Variants in KIF13B observed in about 807,000 individuals in gnomAD.
KIF13B encodes kinesin-like protein KIF13B.
KIF13B carries 127 observed loss-of-function variants against 222.0 expected under a neutral mutation model. The ratio of observed to expected loss-of-function variants is 0.57; its 90% CI spans 0.50 to 0.66. The LOEUF (loss-of-function observed/expected upper bound fraction) is 0.66. Ranked by LOEUF, KIF13B falls within the 30% of genes least tolerant of loss-of-function variation. The pLI, the probability that KIF13B is intolerant of heterozygous loss-of-function variation, is 0.00. For missense variants in KIF13B, 2,173 were observed against 2,379.0 expected, an observed-to-expected ratio of 0.91 and a Z score of 1.80; for synonymous variants, 976 against 919.0, an observed-to-expected ratio of 1.06 and a Z score of -1.12.
At chr8:29,108,465 C>A (rs28675146) in intron 34 of KIF13B, among the ~76,000 whole-genome samples, 1 of 152,294 alleles carries the variant, frequency 6.6e-6, no homozygotes, top group Admixed American at 6.5e-5. Context: ...AGAGATGTCG[C>A]GTTGGGTGAG....
rs547954907 is a variant in KIF13B, at chr8:29,195,040, G to A, written c.162+1147C>T. ...AGGTGGGTGCATCATTTGAGGACAGGAGTTAAAGACCAGCCTGGCCAACAT... is the reference window on the plus strand; with the variant it reads ...AGGTGGGTGCATCATTTGAGGACAGAAGTTAAAGACCAGCCTGGCCAACAT... On this transcript the variant is annotated intron_variant, in intron 3 of 39. Transcript: ENST00000524189. Among the ~76,000 whole-genome samples the A allele has an allele frequency of 3.4e-4, 52 of 152,222 alleles. No homozygotes were observed. The South Asian group carries it at 0.01, about 30-fold the overall frequency.
rs1811175932 is a variant in KIF13B at position 29,148,782 on chromosome 8, G to C, written c.1623-15C>G. 4 of 1,573,566 alleles carry C rather than the reference G, an allele frequency of 2.5e-6. No individual in the cohort carries two copies. The highest frequency in any genetic ancestry group is 3.4e-4 in the Middle Eastern group (2 of 5,926). On this transcript the variant is annotated splice_polypyrimidine_tract_variant and intron_variant, in intron 15 of 39. Coordinates refer to ENST00000524189, the MANE Select transcript of KIF13B (RefSeq NM_015254.4). ...GCAAATTGAGTCTTGGTGGGAAAAA[G>C]AGTATTATTTTCTGAAGTTAAGATA...
At chr8:29,172,174 A>G (rs1338440906) in intron 10 of KIF13B, among the ~76,000 whole-genome samples, 2 of 142,338 alleles carry the variant, frequency 1.4e-5, no homozygotes, top group African/African-American at 5.2e-5. Context: ...TCCTCCTCCC[A>G]GGTTCACACC....
intron 2 of KIF13B, among the ~76,000 whole-genome samples, chr8:29,231,030 AC>A (rs1436594048): frequency 6.6e-6 from 1 of 152,044 alleles, no homozygotes; most frequent in African/African-American, 2.4e-5. Flanking sequence ...ACAGGCATGC[AC>A]CACCATGCCC....
chr8:29,078,595 T>C (rs1396538183), intron 37 of KIF13B, among the ~76,000 whole-genome samples: 1 of 152,228 alleles, frequency 6.6e-6, no homozygotes, highest in African/African-American at 2.4e-5. Context: ...GATCATAAGT[T>C]CATTAATCCT....
At chr8:29,194,622 C>G (rs1474737475) in intron 3 of KIF13B, among the ~76,000 whole-genome samples, 1 of 152,166 alleles carries the variant, frequency 6.6e-6, no homozygotes, top group East Asian at 1.9e-4. Context: ...TACTACAGCT[C>G]TAAATGGTCC....
intron 5 of KIF13B, among the ~76,000 whole-genome samples, chr8:29,187,611 C>T (rs1812995480): frequency 6.6e-6 from 1 of 152,136 alleles, no homozygotes; most frequent in African/African-American, 2.4e-5. Context: ...AAAGAAAAAA[C>T]TTAAATTACC....
intron 2 of KIF13B, among the ~76,000 whole-genome samples, chr8:29,228,472 A>AAAAAAAAAAAAAAAAAAATATATATAT: frequency 2.6e-5 from 3 of 117,082 alleles, no homozygotes; most frequent in East Asian, 2.1e-4. Context: ...ATCTTAAAAA[A>AAAAAAAAAAAAAAAAAAATATATATAT]ATATATATAT....
intron 24 of KIF13B, among the ~76,000 whole-genome samples, chr8:29,128,737 C>T (rs935346105): frequency 2.6e-5 from 4 of 152,140 alleles, no homozygotes; most frequent in Admixed American, 6.5e-5. Context: ...CACAGAAAAA[C>T]GTTTAAAAGT....
chr8:29,128,400 G>A (rs1236100104), intron 24 of KIF13B, among the ~76,000 whole-genome samples: 1 of 152,140 alleles, frequency 6.6e-6, no homozygotes, highest in African/African-American at 2.4e-5. Flanking sequence ...AGCTCTGCAT[G>A]ATCAGGAAAA....
At chr8:29,137,268 A>G (rs904302033) in intron 21 of KIF13B, among the ~76,000 whole-genome samples, 2 of 152,254 alleles carry the variant, frequency 1.3e-5, no homozygotes, top group African/African-American at 4.8e-5. Context: ...CCTCTCAGGA[A>G]TGCAACTGCC....
chr8:29,221,490 AAGC>A (rs1382807441), intron 2 of KIF13B, among the ~76,000 whole-genome samples: 3 of 152,108 alleles, frequency 2.0e-5, no homozygotes, highest in East Asian at 3.9e-4. Flanking sequence ...AGGAAAGAAA[AAGC>A]AGCACAGAAA....
chr8:29,195,590 T>G (rs768157575), intron 3 of KIF13B, among the ~76,000 whole-genome samples: 1 of 152,202 alleles, frequency 6.6e-6, no homozygotes, highest in Non-Finnish European at 1.5e-5. Context: ...TCCTGGAAGT[T>G]CCAAGTAACT....
At chr8:29,245,091 A>G (rs1207790129) in intron 2 of KIF13B, among the ~76,000 whole-genome samples, 1 of 152,214 alleles carries the variant, frequency 6.6e-6, no homozygotes, top group African/African-American at 2.4e-5. Context: ...GCCTTCTTCA[A>G]TTGCTTCTCA....
intron 18 of KIF13B, among the ~76,000 whole-genome samples, chr8:29,144,597 C>T (rs1220638102): frequency 6.6e-6 from 1 of 152,146 alleles, no homozygotes; most frequent in African/African-American, 2.4e-5. Flanking sequence ...ACCTTATATT[C>T]AGCCAGCCAG....
intron 24 of KIF13B, among the ~76,000 whole-genome samples, chr8:29,128,433 C>T (rs1165980387): frequency 1.3e-5 from 2 of 152,204 alleles, no homozygotes; most frequent in African/African-American, 4.8e-5. Flanking sequence ...ACCACTGATC[C>T]TATCAAACTC....
At chr8:29,187,424 C>T (rs1054707700) in intron 5 of KIF13B, among the ~76,000 whole-genome samples, 18 of 151,604 alleles carry the variant, frequency 1.2e-4, no homozygotes, top group Admixed American at 5.9e-4. Flanking sequence ...CCAGCTACTC[C>T]GGAGGCTGAG....
intron 2 of KIF13B, among the ~76,000 whole-genome samples, chr8:29,239,754 C>T (rs1407225369): frequency 6.6e-6 from 1 of 152,212 alleles, no homozygotes; most frequent in Non-Finnish European, 1.5e-5. Flanking sequence ...CCTCCGCCTT[C>T]CAGGTTCAAG....
chr8:29,163,246 A>G (rs189995865), intron 12 of KIF13B, among the ~76,000 whole-genome samples: 103 of 152,324 alleles, frequency 6.8e-4, no homozygotes, highest in African/African-American at 2.5e-3. Context: ...GAACTTACAA[A>G]CTCAACAGGG....
Sources: gnomAD v4.1 joint callset for allele counts (sites outside exome capture counted in the v4.1 genomes callset) on GRCh38, gnomAD v4.1.1 for gene constraint, MANE v1.5 for transcripts, NCBI Gene and HGNC (gene_info 2026-07-23, HGNC 2026-07-21) for gene names.